Variants in COL24A1 observed in about 807,000 individuals in gnomAD.
The protein encoded by COL24A1 is collagen type XXIV alpha 1 chain.
In COL24A1, 224 loss-of-function variants were observed where a neutral mutation model predicts 253.9. The ratio of observed to expected loss-of-function variants is 0.88; its 90% CI spans 0.79 to 0.99. The LOEUF is 0.99. Among genes scored for constraint, COL24A1 ranks in the 50% least tolerant of loss-of-function variants. COL24A1 has a pLI of 0.00. For synonymous variants in COL24A1, 685 were observed against 673.7 expected (o/e 1.02, Z -0.26); for missense variants, 2,131 against 2,068.5 (o/e 1.03, Z -0.59).
At chr1:86,097,393 CT>C (rs1232026975) in intron 5 of COL24A1, among the ~76,000 whole-genome samples, 3 of 151,230 alleles carry the variant, frequency 2.0e-5, no homozygotes, top group African/African-American at 7.3e-5. Context: ...TCTTTTCTTT[CT>C]TCGTCTTTCT....
chr1:85,837,212 A>C (rs1044264957), intron 43 of COL24A1, among the ~76,000 whole-genome samples: 3 of 152,218 alleles, frequency 2.0e-5, no homozygotes, highest in African/African-American at 7.2e-5. Flanking sequence ...TGTTATGTAA[A>C]TTGGAAACAG....
chr1:85,859,431 C>G lies in COL24A1; in HGVS notation c.3300+9088G>C, dbSNP rs576410129. On this transcript the variant is annotated intron_variant, in intron 37 of 59. Transcript: ENST00000370571. ...CTTCTAGGGAACAGAACATATGAATCTATTAGGAATTTTTTGCACAGTAAA... is the reference window on the plus strand; with the variant it reads ...CTTCTAGGGAACAGAACATATGAATGTATTAGGAATTTTTTGCACAGTAAA... Among the ~76,000 whole-genome samples, 5 of 152,216 alleles carry G rather than the reference C, an allele frequency of 3.3e-5. No homozygotes were observed. In the East Asian group the frequency reaches 7.7e-4, roughly 23 times the overall value.
chr1:86,064,806 C>A (rs976716000), intron 7 of COL24A1, among the ~76,000 whole-genome samples: 1 of 152,094 alleles, frequency 6.6e-6, no homozygotes, highest in African/African-American at 2.4e-5. Flanking sequence ...GGTTGAAAAA[C>A]GTCATTTAGA....
chr1:85,788,729 A>G (rs1669963761), intron 47 of COL24A1, among the ~76,000 whole-genome samples: 1 of 152,170 alleles, frequency 6.6e-6, no homozygotes, highest in Non-Finnish European at 1.5e-5. Flanking sequence ...TCATGAGTTA[A>G]TCTTTGTATA....
chr1:86,086,762 TA>T (rs1459951941), intron 7 of COL24A1, among the ~76,000 whole-genome samples: 1 of 152,192 alleles, frequency 6.6e-6, no homozygotes, highest in Non-Finnish European at 1.5e-5. Flanking sequence ...ATATTCATAT[TA>T]AAGTAAGACA....
At chr1:85,861,002 C>A (rs1679084476) in intron 37 of COL24A1, among the ~76,000 whole-genome samples, 1 of 152,294 alleles carries the variant, frequency 6.6e-6, no homozygotes, top group East Asian at 1.9e-4. Context: ...ATGCAATTCT[C>A]TTGGACATAC....
intron 38 of COL24A1, 83 bp from the exon 39 acceptor site, chr1:85,847,855 T>G: frequency 1.3e-6 from 1 of 769,530 alleles, no homozygotes; most frequent in Non-Finnish European, 2.2e-6. Context: ...CCTGAATAGC[T>G]CCTGAGGATT....
chr1:86,142,377 G>T (rs1387662520), intron 2 of COL24A1, among the ~76,000 whole-genome samples: 3 of 151,748 alleles, frequency 2.0e-5, no homozygotes, highest in Non-Finnish European at 2.9e-5. Context: ...CAAAAAATTA[G>T]CTGGGCGTGG....
At chr1:85,910,696 A>T (rs1685282920) in intron 25 of COL24A1, among the ~76,000 whole-genome samples, 1 of 152,034 alleles carries the variant, frequency 6.6e-6, no homozygotes, top group Non-Finnish European at 1.5e-5. Context: ...GTAATTGAGA[A>T]TGTAGTACAT....
chr1:85,939,870 C>T (rs1335005291), intron 24 of COL24A1, among the ~76,000 whole-genome samples: 2 of 151,980 alleles, frequency 1.3e-5, no homozygotes, highest in African/African-American at 4.8e-5. Flanking sequence ...TGTTACTGAA[C>T]ATAGGATATA....
At chr1:85,957,150 T>C (rs1690544668) in intron 24 of COL24A1, among the ~76,000 whole-genome samples, 1 of 152,006 alleles carries the variant, frequency 6.6e-6, no homozygotes. Context: ...TGAGAACACA[T>C]GGACACCACG....
intron 7 of COL24A1, among the ~76,000 whole-genome samples, chr1:86,082,911 T>G (rs1264142214): frequency 6.6e-6 from 1 of 151,886 alleles, no homozygotes; most frequent in Non-Finnish European, 1.5e-5. Context: ...GAGCATTTCC[T>G]TTGAGCATCA....
intron 14 of COL24A1, among the ~76,000 whole-genome samples, chr1:86,024,651 T>A (rs1249212968): frequency 1.3e-5 from 2 of 152,210 alleles, no homozygotes; most frequent in Non-Finnish European, 1.5e-5. Context: ...TATTAATACA[T>A]GATGCTTGTA....
At chr1:85,874,180 C>T (rs887416092) in intron 35 of COL24A1, among the ~76,000 whole-genome samples, 6 of 152,142 alleles carry the variant, frequency 3.9e-5, no homozygotes, top group African/African-American at 1.2e-4. Flanking sequence ...ATTAGCATAA[C>T]GTCTCAAAGC....
intron 41 of COL24A1, 132 bp downstream of exon 41, chr1:85,841,936 C>A: frequency 1.5e-6 from 1 of 650,294 alleles, no homozygotes; most frequent in Non-Finnish European, 2.7e-6. Context: ...TTTTTTCTTC[C>A]AGAATTAGTA....
intron 9 of COL24A1, among the ~76,000 whole-genome samples, chr1:86,058,701 C>T (rs570710561): frequency 6.6e-6 from 1 of 151,600 alleles, no homozygotes; most frequent in Non-Finnish European, 1.5e-5. Flanking sequence ...GAATTCAGTT[C>T]AGATAAAAGT....
intron 19 of COL24A1, among the ~76,000 whole-genome samples, chr1:85,991,658 C>T (rs1407322539): frequency 6.6e-6 from 1 of 152,132 alleles, no homozygotes; most frequent in Non-Finnish European, 1.5e-5. Flanking sequence ...ACATGCAACA[C>T]TGAATATACG....
chr1:86,085,689 T>C (rs1703008972), intron 7 of COL24A1, among the ~76,000 whole-genome samples: 1 of 152,232 alleles, frequency 6.6e-6, no homozygotes, highest in Admixed American at 6.5e-5. Flanking sequence ...CAAACTTACC[T>C]GTTTTTTGGC....
At position 85,784,107 on chromosome 1, in the gene COL24A1, AC is replaced by A; in HGVS notation, c.4221+5del. On this transcript the variant is annotated splice_donor_5th_base_variant and intron_variant, in intron 50 of 59. Coordinates refer to ENST00000370571, the MANE Select transcript of COL24A1 (RefSeq NM_152890.7). ...TAGAAGACTAGAAGAAAGTATGTAA[AC>A]ATACTTTAGGGCCTGGGAATCCTTG... The A allele has an allele frequency of 6.2e-7, 1 of 1,609,050 alleles. No individual in the cohort carries two copies. The highest frequency in any genetic ancestry group is 8.5e-7 in the Non-Finnish European group (1 of 1,176,170).
Sources: allele counts gnomAD v4.1 joint callset (sites outside exome capture counted in the v4.1 genomes callset), GRCh38; gene constraint gnomAD v4.1.1; transcripts MANE v1.5; gene names NCBI Gene and HGNC (gene_info 2026-07-23, HGNC 2026-07-21).